L3MBTL3: variants seen among roughly 807,000 people sequenced by gnomAD.
The protein encoded by L3MBTL3 is lethal(3)malignant brain tumor-like protein 3.
In L3MBTL3, 27 loss-of-function variants were observed where a neutral mutation model predicts 102.3. The ratio of observed to expected loss-of-function variants is 0.26; its 90% confidence interval spans 0.19 to 0.36. The LOEUF (loss-of-function observed/expected upper bound fraction) is 0.36. Among genes scored for constraint, L3MBTL3 ranks in the 10% least tolerant of loss-of-function variants. The pLI, the probability that L3MBTL3 is intolerant of heterozygous loss-of-function variation, is 1.00. For missense variants in L3MBTL3, 798 were observed against 955.3 expected, an observed-to-expected ratio of 0.84 and a Z score of 2.17; for synonymous variants, 340 against 320.9, an observed-to-expected ratio of 1.06 and a Z score of -0.64.
chr6:130,029,215 G>A (rs1484498717), intron 2 of L3MBTL3, among the ~76,000 whole-genome samples: 3 of 152,118 alleles, frequency 2.0e-5, no homozygotes, highest in Non-Finnish European at 4.4e-5. Flanking sequence ...CCTGGTCCTG[G>A]CATCTTACTT....
intron 19 of L3MBTL3, among the ~76,000 whole-genome samples, chr6:130,106,793 T>C (rs1785007798): frequency 6.6e-6 from 1 of 152,204 alleles, no homozygotes; most frequent in South Asian, 2.1e-4. Flanking sequence ...TGGTCTCTTA[T>C]AAACCTTAAC....
At chr6:130,088,153 A>G (rs1010977547) in intron 16 of L3MBTL3, among the ~76,000 whole-genome samples, 2 of 152,198 alleles carry the variant, frequency 1.3e-5, no homozygotes, top group East Asian at 1.9e-4. Flanking sequence ...TGGTCAGTCC[A>G]TAACACCCCA....
chr6:130,047,267 G>A (rs1306838845), intron 3 of L3MBTL3, among the ~76,000 whole-genome samples: 1 of 152,172 alleles, frequency 6.6e-6, no homozygotes, highest in Admixed American at 6.5e-5. Context: ...GTGCCCCGAA[G>A]TGACATTGCA....
intron 22 of L3MBTL3, among the ~76,000 whole-genome samples, chr6:130,134,671 G>A (rs1363051725): frequency 1.3e-5 from 2 of 152,158 alleles, no homozygotes; most frequent in Non-Finnish European, 2.9e-5. Flanking sequence ...GTCTACTCCT[G>A]CCAGAAGGCA....
At position 130,049,744 on chromosome 6, in the gene L3MBTL3, C is replaced by T; in HGVS notation, c.215-12C>T. On this transcript the variant is annotated splice_polypyrimidine_tract_variant and intron_variant, in intron 4 of 22. Coordinates refer to ENST00000361794, the MANE Select transcript of L3MBTL3 (RefSeq NM_032438.4). ...ACCTATATGCTGATGACTCCTAAAT[C>T]TACATCTCCAGCCCCGACCTCTCCC... The T allele has an allele frequency of 6.2e-7, 1 of 1,614,022 alleles. No individual in the cohort carries two copies. The highest frequency in any genetic ancestry group is 8.5e-7 in the Non-Finnish European group (1 of 1,179,922).
chr6:130,124,350 A>C (rs912100844), intron 20 of L3MBTL3, among the ~76,000 whole-genome samples: 1 of 152,182 alleles, frequency 6.6e-6, no homozygotes, highest in Non-Finnish European at 1.5e-5. Context: ...ATATTCAGCC[A>C]GATGTTTGGT....
intron 19 of L3MBTL3, among the ~76,000 whole-genome samples, chr6:130,105,375 C>A (rs1055325066): frequency 6.6e-6 from 1 of 152,096 alleles, no homozygotes; most frequent in African/African-American, 2.4e-5. Context: ...TATAGAGAAG[C>A]AGTTTACCCT....
intron 8 of L3MBTL3, among the ~76,000 whole-genome samples, chr6:130,055,700 T>TTCTC (rs371510182): frequency 1.1e-4 from 14 of 132,262 alleles, no homozygotes; most frequent in Middle Eastern, 7.9e-3. Flanking sequence ...CCCTCTCTCT[T>TTCTC]TCTCTCTCTC....
At chr6:130,034,603 C>A (rs1025095111) in intron 2 of L3MBTL3, among the ~76,000 whole-genome samples, 1 of 152,212 alleles carries the variant, frequency 6.6e-6, no homozygotes, top group Non-Finnish European at 1.5e-5. Flanking sequence ...TCCCCATATT[C>A]CCTTCATTCT....
At chr6:130,053,634 CAA>C (rs1036611505) in intron 7 of L3MBTL3, among the ~76,000 whole-genome samples, 3 of 59,282 alleles carry the variant, frequency 5.1e-5, no homozygotes, top group Admixed American at 1.9e-4. Context: ...GACTGTGTCT[CAA>C]AAAAAAAAAA....
chr6:130,039,104 A>G (rs562001691), intron 2 of L3MBTL3, among the ~76,000 whole-genome samples: 1 of 152,300 alleles, frequency 6.6e-6, no homozygotes, highest in East Asian at 1.9e-4. Flanking sequence ...TTTCAAGCAT[A>G]TACAAAACTA....
At chr6:130,094,198 C>T in intron 17 of L3MBTL3, 67 bp from the exon 18 acceptor site, 1 of 1,241,188 alleles carries the variant, frequency 8.1e-7, no homozygotes, top group Non-Finnish European at 1.2e-6. Flanking sequence ...CTGATCCAGA[C>T]ATTTGACTCT....
chr6:130,021,985 A>G (rs1272253487), intron 1 of L3MBTL3, among the ~76,000 whole-genome samples: 2 of 152,232 alleles, frequency 1.3e-5, no homozygotes, highest in Non-Finnish European at 1.5e-5. Flanking sequence ...CCTGCCTGTC[A>G]TATACAACAG....
chr6:130,126,437 C>T (rs964721883), intron 20 of L3MBTL3, among the ~76,000 whole-genome samples: 7 of 152,062 alleles, frequency 4.6e-5, no homozygotes, highest in Non-Finnish European at 8.8e-5. Flanking sequence ...AGGTTCTTAC[C>T]CTCCATGGTA....
intron 20 of L3MBTL3, among the ~76,000 whole-genome samples, chr6:130,129,540 A>G (rs1032240523): frequency 6.6e-6 from 1 of 152,178 alleles, no homozygotes. Context: ...CAGTCAGCCT[A>G]AAATATTTTT....
At position 130,116,450 on chromosome 6, in the gene L3MBTL3, G is replaced by A. The variant is rs555535420; in HGVS notation, c.1887-4429G>A. 3.9e-5 allele frequency among the ~76,000 whole-genome samples: 6 copies of A among 152,204 alleles called. No individual in the cohort carries two copies. In the South Asian group the frequency reaches 1.2e-3, roughly 32 times the overall value. On this transcript the variant is annotated intron_variant, in intron 19 of 22. Coordinates refer to ENST00000361794, the MANE Select transcript of L3MBTL3 (RefSeq NM_032438.4). Reference sequence around the variant, plus strand: ...TCATATGTGTAACCACTATTGCTGGGCTGCTTCCTCCATGTTAAGATTCAT... The same window carrying A: ...TCATATGTGTAACCACTATTGCTGGACTGCTTCCTCCATGTTAAGATTCAT...
chr6:130,124,337 A>G (rs1328759670), intron 20 of L3MBTL3, among the ~76,000 whole-genome samples: 2 of 152,180 alleles, frequency 1.3e-5, no homozygotes, highest in African/African-American at 4.8e-5. Flanking sequence ...CCACAGATTC[A>G]CTATATTCAG....
intron 8 of L3MBTL3, among the ~76,000 whole-genome samples, chr6:130,055,862 TTCATCTCTTC>T (rs1007456196): frequency 6.6e-6 from 1 of 151,272 alleles, no homozygotes; most frequent in Non-Finnish European, 1.5e-5. Context: ...GCCTTCTCTT[TTCATCTCTTC>T]TGTCTTCTCT....
intron 2 of L3MBTL3, among the ~76,000 whole-genome samples, chr6:130,030,331 C>T (rs1245534706): frequency 1.3e-5 from 2 of 151,870 alleles, no homozygotes; most frequent in Non-Finnish European, 2.9e-5. Context: ...GGTTAGGTAC[C>T]CTGGCTAAGA....
Sources: allele counts gnomAD v4.1 joint callset (sites outside exome capture counted in the v4.1 genomes callset), GRCh38; gene constraint gnomAD v4.1.1; transcripts MANE v1.5; gene names NCBI Gene and HGNC (gene_info 2026-07-23, HGNC 2026-07-21).